BBX: variants seen among roughly 807,000 people sequenced by gnomAD.
The protein encoded by BBX is HMG box transcription factor BBX.
A neutral mutation model predicts 100.2 loss-of-function variants in BBX; 30 were observed. The observed-to-expected ratio is 0.30, with a 90% CI of 0.22 to 0.41. The LOEUF (loss-of-function observed/expected upper bound fraction) is 0.41, where lower values mean the gene tolerates loss of function less well. BBX is among the 10% of genes least tolerant of loss of function. The pLI is 1.00. For synonymous variants in BBX, 376 were observed against 388.1 expected (o/e 0.97, Z 0.37); for missense variants, 1,023 against 1,129.8 (o/e 0.91, Z 1.35).
At chr3:107,718,915 A>G (rs780141282) in intron 5 of BBX, among the ~76,000 whole-genome samples, 1 of 152,064 alleles carries the variant, frequency 6.6e-6, no homozygotes, top group Non-Finnish European at 1.5e-5. Context: ...AGATTCGGCT[A>G]CTTTCAAAAT....
chr3:107,689,266 A>G (rs548926223), intron 3 of BBX, among the ~76,000 whole-genome samples: 4 of 152,196 alleles, frequency 2.6e-5, no homozygotes, highest in Non-Finnish European at 5.9e-5. Flanking sequence ...AGGAAGTTGT[A>G]TGCTACTCTG....
chr3:107,620,740 A>G (rs2055683814), intron 2 of BBX, among the ~76,000 whole-genome samples: 1 of 152,124 alleles, frequency 6.6e-6, no homozygotes, highest in Non-Finnish European at 1.5e-5. Flanking sequence ...ACTGTTTTAT[A>G]CATGGCCTTT....
At chr3:107,674,756 C>G (rs1178287748) in intron 3 of BBX, 1 of 152,578 alleles carries the variant, frequency 6.6e-6, no homozygotes, top group Non-Finnish European at 1.5e-5. Flanking sequence ...CAAAGAACTC[C>G]TTTTAGATTT....
chr3:107,805,338 A>ATAAG (rs1463923309), intron 17 of BBX, 32 bp from the exon 18 acceptor site: 1 of 1,594,664 alleles, frequency 6.3e-7, no homozygotes, highest in South Asian at 1.1e-5. Flanking sequence ...CATATGCTGA[A>ATAAG]TAAGTGACTT....
At chr3:107,686,026 G>A (rs1472215986) in intron 3 of BBX, among the ~76,000 whole-genome samples, 3 of 152,118 alleles carry the variant, frequency 2.0e-5, no homozygotes, top group African/African-American at 7.2e-5. Flanking sequence ...AAGTGAAGAA[G>A]AAACTAAGAG....
At chr3:107,555,093 A>G (rs531485742) in intron 2 of BBX, among the ~76,000 whole-genome samples, 1 of 152,130 alleles carries the variant, frequency 6.6e-6, no homozygotes, top group Admixed American at 6.5e-5. Flanking sequence ...AACAACAACA[A>G]CAACAACAAA....
At chr3:107,777,321 G>A (rs2067405025) in intron 12 of BBX, among the ~76,000 whole-genome samples, 1 of 152,090 alleles carries the variant, frequency 6.6e-6, no homozygotes, top group Non-Finnish European at 1.5e-5. Flanking sequence ...CATTCAGTTG[G>A]TCATCTGACC....
chr3:107,771,135 C>T (rs895783939), intron 10 of BBX, among the ~76,000 whole-genome samples: 4 of 152,020 alleles, frequency 2.6e-5, no homozygotes. Flanking sequence ...TTGACCAAAT[C>T]GGCATCATCA....
At chr3:107,762,022 G>A (rs2065939907) in intron 10 of BBX, among the ~76,000 whole-genome samples, 2 of 152,128 alleles carry the variant, frequency 1.3e-5, no homozygotes, top group Admixed American at 1.3e-4. Flanking sequence ...TACTTAAAAT[G>A]CATTTAAGGG....
chr3:107,798,002 C>G lies in BBX; in HGVS notation c.2354-521C>G, dbSNP rs145206186. 3.6e-3 allele frequency among the ~76,000 whole-genome samples: 554 copies of G among 152,314 alleles called. 1 individual carries two copies. Among genetic ancestry groups the G allele is most frequent in the African/African-American group, 0.013 (536 of 41,566 alleles). On this transcript the variant is annotated intron_variant, in intron 15 of 17. Coordinates refer to ENST00000325805, the MANE Select transcript of BBX (RefSeq NM_001142568.3). ...GTCCTGTCCTTACTGCACAGTCAAT[C>G]TACATGAAAGAAAGTCAGGCCTCAA... is the stretch of plus-strand genomic sequence containing the variant.
At chr3:107,622,296 G>A (rs1167021177) in intron 2 of BBX, among the ~76,000 whole-genome samples, 1 of 152,170 alleles carries the variant, frequency 6.6e-6, no homozygotes, top group Non-Finnish European at 1.5e-5. Flanking sequence ...GTGCTTATCA[G>A]TAGTTCGTTA....
At chr3:107,558,654 A>G (rs1283670988) in intron 2 of BBX, among the ~76,000 whole-genome samples, 3 of 152,158 alleles carry the variant, frequency 2.0e-5, no homozygotes, top group Admixed American at 1.3e-4. Context: ...CAACAATCAC[A>G]GCATCTGGGC....
chr3:107,656,862 A>G (rs1286877422), intron 3 of BBX, among the ~76,000 whole-genome samples: 3 of 152,218 alleles, frequency 2.0e-5, no homozygotes, highest in Non-Finnish European at 4.4e-5. Context: ...TCTGAGGAAG[A>G]CCTTAAACCC....
intron 3 of BBX, chr3:107,657,210 T>A (rs546980454): frequency 6.6e-6 from 1 of 152,292 alleles, no homozygotes; most frequent in South Asian, 2.1e-4. Context: ...GTGTTGACAG[T>A]TGTAAAAGGG....
At chr3:107,707,903 G>A (rs1344456714) in intron 3 of BBX, among the ~76,000 whole-genome samples, 1 of 152,184 alleles carries the variant, frequency 6.6e-6, no homozygotes. Context: ...GGGGGCTAAA[G>A]ATTTATTTTT....
In BBX at chr3:107,676,203, G is replaced by A. The variant is rs565311715; in HGVS notation, c.-10+30294G>A. Among the ~76,000 whole-genome samples the A allele has an allele frequency of 9.8e-4, 149 of 152,260 alleles. 1 individual carries two copies. Among genetic ancestry groups the A allele is most frequent in the African/African-American group, 3.5e-3 (144 of 41,552 alleles). On this transcript the variant is annotated intron_variant, in intron 3 of 17. Coordinates refer to ENST00000325805, the MANE Select transcript of BBX (RefSeq NM_001142568.3). ...TATAACTAAGGTAATTTAGATAGAT[G>A]TGGATTTCATCTGATTAAGTTTAAT...
At chr3:107,795,263 G>A (rs7647755) in intron 15 of BBX, among the ~76,000 whole-genome samples, 4,266 of 152,218 alleles carry the variant, frequency 0.028, 210 homozygotes, top group African/African-American at 0.098. Flanking sequence ...GTTGGACTCA[G>A]ATCTACTGTT....
At chr3:107,667,446 C>T (rs185943727) in intron 3 of BBX, among the ~76,000 whole-genome samples, 23 of 151,816 alleles carry the variant, frequency 1.5e-4, no homozygotes, top group African/African-American at 5.6e-4. Flanking sequence ...CATATATTCT[C>T]TAATGATTTA....
chr3:107,571,164 G>A (rs2051326065), intron 2 of BBX, among the ~76,000 whole-genome samples: 1 of 152,062 alleles, frequency 6.6e-6, no homozygotes, highest in Admixed American at 6.6e-5. Context: ...AGTGAAGGAG[G>A]TAAGTTTAAA....
Sources: gnomAD v4.1 joint callset for allele counts (sites outside exome capture counted in the v4.1 genomes callset) on GRCh38, gnomAD v4.1.1 for gene constraint, MANE v1.5 for transcripts, NCBI Gene and HGNC (gene_info 2026-07-23, HGNC 2026-07-21) for gene names.